MGAT4C: variants seen among roughly 807,000 people sequenced by gnomAD.
MGAT4C encodes alpha-1,3-mannosyl-glycoprotein 4-beta-N-acetylglucosaminyltransferase C.
A neutral mutation model predicts 40.1 loss-of-function variants in MGAT4C; 19 were observed. The ratio of observed to expected loss-of-function variants is 0.47; its 90% confidence interval spans 0.33 to 0.70. The LOEUF is 0.70. Among genes scored for constraint, MGAT4C ranks in the 30% least tolerant of loss-of-function variants. The pLI is 0.02. For missense variants in MGAT4C, 491 were observed against 563.2 expected, an observed-to-expected ratio of 0.87 and a Z score of 1.30; for synonymous variants, 181 against 187.1, an observed-to-expected ratio of 0.97 and a Z score of 0.27.
chr12:86,763,275 A>G (rs1451619645), intron 1 of MGAT4C, among the ~76,000 whole-genome samples: 1 of 152,208 alleles, frequency 6.6e-6, no homozygotes, highest in African/African-American at 2.4e-5. Context: ...GCTATTCCTA[A>G]TTCATTTTGC....
At chr12:86,279,944 T>C (rs1350441846) in intron 4 of MGAT4C, among the ~76,000 whole-genome samples, 2 of 152,040 alleles carry the variant, frequency 1.3e-5, no homozygotes, top group Non-Finnish European at 2.9e-5. Flanking sequence ...TTTCCAAAAT[T>C]CCTTGTTATT....
Position 86,672,384 on chromosome 12 carries a change from A to T in MGAT4C, c.-229+54825T>A, listed in dbSNP as rs560676772. On this transcript the variant is annotated intron_variant, in intron 2 of 7. Coordinates refer to the MGAT4C transcript ENST00000548651. ...CAATGCATCATCCTAAAGAATAAGAAAATCAAACCCAAAATTAGTAGAATA... is the reference window on the plus strand; with the variant it reads ...CAATGCATCATCCTAAAGAATAAGATAATCAAACCCAAAATTAGTAGAATA... Among the ~76,000 whole-genome samples, 3 of 152,208 alleles carry T rather than the reference A, an allele frequency of 2.0e-5. No homozygotes were observed. In the South Asian group the frequency reaches 6.2e-4, roughly 32 times the overall value.
intron 2 of MGAT4C, among the ~76,000 whole-genome samples, chr12:86,675,166 G>A (rs1398468478): frequency 1.3e-5 from 2 of 152,168 alleles, no homozygotes; most frequent in Non-Finnish European, 2.9e-5. Context: ...GTACCCAAGA[G>A]ATGACCCCCA....
intron 2 of MGAT4C, among the ~76,000 whole-genome samples, chr12:86,611,334 A>C (rs182516683): frequency 3.6e-4 from 55 of 152,186 alleles, no homozygotes; most frequent in African/African-American, 1.3e-3. Flanking sequence ...ACACACACAC[A>C]CACACGTATG....
intron 1 of MGAT4C, among the ~76,000 whole-genome samples, chr12:86,734,425 A>T (rs1950954815): frequency 6.6e-6 from 1 of 152,046 alleles, no homozygotes; most frequent in Non-Finnish European, 1.5e-5. Context: ...CGTGTCCTTC[A>T]TTCTAATGGA....
chr12:86,759,537 A>T (rs1180973353), intron 1 of MGAT4C, among the ~76,000 whole-genome samples: 1 of 152,042 alleles, frequency 6.6e-6, no homozygotes, highest in African/African-American at 2.4e-5. Flanking sequence ...CCACATCCTT[A>T]CTAACACTTG....
At chr12:86,686,268 T>C (rs1049492802) in intron 2 of MGAT4C, among the ~76,000 whole-genome samples, 1 of 152,114 alleles carries the variant, frequency 6.6e-6, no homozygotes, top group Non-Finnish European at 1.5e-5. Flanking sequence ...GCTGAGACAA[T>C]GGGGTTTTCT....
chr12:86,626,345 T>C (rs983119500), intron 2 of MGAT4C, among the ~76,000 whole-genome samples: 3 of 152,192 alleles, frequency 2.0e-5, no homozygotes, highest in Non-Finnish European at 4.4e-5. Flanking sequence ...CAGTAGAATC[T>C]TATTTTAAAG....
chr12:86,100,033 T>G (rs551922697), intron 1 of MGAT4C, among the ~76,000 whole-genome samples: 84 of 151,524 alleles, frequency 5.5e-4, no homozygotes, highest in African/African-American at 2.0e-3. Context: ...ACTACCTTAG[T>G]TTTTTGAATC....
At chr12:86,399,064 G>A (rs1047657617) in intron 3 of MGAT4C, among the ~76,000 whole-genome samples, 2 of 152,144 alleles carry the variant, frequency 1.3e-5, no homozygotes, top group Non-Finnish European at 2.9e-5. Flanking sequence ...TCCACTTCCC[G>A]GATTCAAGCG....
At chr12:86,701,571 G>T (rs148939549) in intron 2 of MGAT4C, among the ~76,000 whole-genome samples, 51 of 152,124 alleles carry the variant, frequency 3.4e-4, no homozygotes, top group African/African-American at 1.2e-3. Context: ...GGCTTCCCTA[G>T]TACTTGACAT....
rs1325599072 is a variant in MGAT4C at position 86,051,659 on chromosome 12, G to GA, written c.-56-1937dup. On this transcript the variant is annotated intron_variant, in intron 1 of 4. Coordinates refer to ENST00000611864, the MANE Select transcript of MGAT4C (RefSeq NM_001351288.2). ...ATTTAGGTAGAAAAAGAGTATGAAT[G>GA]AAAATGAATATTTTAGTTTTCTAAT... 4.6e-5 allele frequency among the ~76,000 whole-genome samples: 7 copies of GA among 151,600 alleles called. No individual in the cohort carries two copies. The East Asian group carries it at 1.2e-3, about 25-fold the overall frequency.
chr12:86,332,501 T>C (rs762655648), intron 4 of MGAT4C, among the ~76,000 whole-genome samples: 1 of 152,150 alleles, frequency 6.6e-6, no homozygotes, highest in Non-Finnish European at 1.5e-5. Flanking sequence ...ATATTTTCCT[T>C]TTATATTCCT....
At chr12:86,520,622 C>A (rs530925351) in intron 2 of MGAT4C, among the ~76,000 whole-genome samples, 4 of 152,230 alleles carry the variant, frequency 2.6e-5, no homozygotes, top group Middle Eastern at 6.8e-3. Flanking sequence ...AATGGTAGTT[C>A]TGTTTTTAGG....
At chr12:86,497,931 TA>T (rs1199447845) in intron 2 of MGAT4C, among the ~76,000 whole-genome samples, 2 of 141,208 alleles carry the variant, frequency 1.4e-5, no homozygotes, top group African/African-American at 5.1e-5. Flanking sequence ...CACACACATA[TA>T]ATATTATATA....
chr12:86,437,510 CTT>C (rs1957156480), intron 2 of MGAT4C, among the ~76,000 whole-genome samples: 1 of 151,726 alleles, frequency 6.6e-6, no homozygotes, highest in Non-Finnish European at 1.5e-5. Context: ...AGTTAAATGA[CTT>C]ATAGTATTTA....
chr12:85,984,290 TA>T (rs1438297610), intron 3 of MGAT4C, among the ~76,000 whole-genome samples: 4 of 152,326 alleles, frequency 2.6e-5, no homozygotes, highest in Admixed American at 1.3e-4. Flanking sequence ...TCATATGTCC[TA>T]AAGTAACCTC....
chr12:86,824,044 T>C (rs1050107277), intron 1 of MGAT4C, among the ~76,000 whole-genome samples: 1 of 151,406 alleles, frequency 6.6e-6, no homozygotes, highest in Non-Finnish European at 1.5e-5. Context: ...CATGATGAAA[T>C]CTTCCACTGT....
At chr12:86,805,407 C>T (rs1397327353) in intron 1 of MGAT4C, among the ~76,000 whole-genome samples, 1 of 151,872 alleles carries the variant, frequency 6.6e-6, no homozygotes, top group Non-Finnish European at 1.5e-5. Context: ...GTATTCTTGC[C>T]ACCTTTATGT....
Sources: gnomAD v4.1 joint callset for allele counts (sites outside exome capture counted in the v4.1 genomes callset) on GRCh38, gnomAD v4.1.1 for gene constraint, MANE v1.5 for transcripts, NCBI Gene and HGNC (gene_info 2026-07-23, HGNC 2026-07-21) for gene names.